The following NEK10 variants were observed in gnomAD, a reference collection of about 807,000 sequenced individuals.
NEK10 encodes serine/threonine-protein kinase Nek10.
In NEK10, 122 loss-of-function variants were observed where a neutral mutation model predicts 159.8. The ratio of observed to expected loss-of-function variants is 0.76; its 90% CI spans 0.66 to 0.89. The LOEUF is 0.89. Among genes scored for constraint, NEK10 ranks in the 40% least tolerant of loss-of-function variants. The pLI, the probability that NEK10 is intolerant of heterozygous loss-of-function variation, is 0.00. For missense variants in NEK10, 1,342 were observed against 1,323.1 expected, an observed-to-expected ratio of 1.01 and a Z score of -0.22; for synonymous variants, 466 against 457.1, an observed-to-expected ratio of 1.02 and a Z score of -0.25.
intron 30 of NEK10, among the ~76,000 whole-genome samples, chr3:27,142,721 C>A (rs1943906381): frequency 6.6e-6 from 1 of 152,046 alleles, no homozygotes; most frequent in Admixed American, 6.6e-5. Flanking sequence ...ACATTCAATG[C>A]AGTCATTTAA....
intron 22 of NEK10, among the ~76,000 whole-genome samples, chr3:27,257,794 T>C (rs1473217258): frequency 1.9e-5 from 2 of 104,798 alleles, no homozygotes; most frequent in East Asian, 2.2e-4. Flanking sequence ...TTTTCTTTTT[T>C]TTTTTTTTTT....
chr3:27,327,168 C>G (rs932455539), intron 5 of NEK10, among the ~76,000 whole-genome samples: 6 of 152,126 alleles, frequency 3.9e-5, no homozygotes, highest in Non-Finnish European at 7.4e-5. Context: ...CTCTTGCCAT[C>G]CCTCCCCTCC....
At chr3:27,218,932 A>G (rs555468730) in intron 23 of NEK10, among the ~76,000 whole-genome samples, 1 of 152,310 alleles carries the variant, frequency 6.6e-6, no homozygotes, top group Admixed American at 6.5e-5. Flanking sequence ...TCAGACGGGT[A>G]AATAACATGA....
At chr3:27,207,165 G>C (rs915791487) in intron 23 of NEK10, among the ~76,000 whole-genome samples, 8 of 152,100 alleles carry the variant, frequency 5.3e-5, no homozygotes, top group Non-Finnish European at 1.2e-4. Context: ...CTAATTCCTG[G>C]TGTGTCCAGC....
chr3:27,139,849 T>C (rs181150603), intron 31 of NEK10, among the ~76,000 whole-genome samples: 22 of 152,226 alleles, frequency 1.4e-4, no homozygotes, highest in African/African-American at 5.1e-4. Flanking sequence ...AGCAAGAACA[T>C]CCAGAAGCCA....
chr3:27,151,152 T>C (rs1370973491), intron 30 of NEK10, among the ~76,000 whole-genome samples: 5 of 152,098 alleles, frequency 3.3e-5, no homozygotes, highest in Non-Finnish European at 7.4e-5. Context: ...CATGCTACCA[T>C]AGCTGATGGT....
intron 23 of NEK10, among the ~76,000 whole-genome samples, chr3:27,238,980 T>C (rs1351162893): frequency 6.6e-6 from 1 of 152,012 alleles, no homozygotes; most frequent in Non-Finnish European, 1.5e-5. Flanking sequence ...ACTAGTCTGA[T>C]TGGTTGCAAG....
rs1430177818 is a variant in NEK10 at position 27,109,404 on chromosome 3, T to C, written c.*1868A>G. ...AAAAAAAAAAAAAAAAAAAAAGAGT[T>C]AGATGGAAACATTTTGCTCACTTTC... On this transcript the variant is annotated 3_prime_UTR_variant, in exon 36 of 36. Transcript: ENST00000691995. Among the ~76,000 whole-genome samples, 4 of 149,862 alleles carry C rather than the reference T, an allele frequency of 2.7e-5. No homozygotes were observed. The highest frequency in any genetic ancestry group is 1.3e-4 in the Admixed American group (2 of 14,984).
At chr3:27,190,875 G>T (rs1246524047) in intron 26 of NEK10, among the ~76,000 whole-genome samples, 1 of 152,174 alleles carries the variant, frequency 6.6e-6, no homozygotes, top group Non-Finnish European at 1.5e-5. Flanking sequence ...CTCCCCTTCT[G>T]AGATTTAACT....
intron 22 of NEK10, among the ~76,000 whole-genome samples, chr3:27,260,074 C>G (rs1417482300): frequency 6.6e-6 from 1 of 152,074 alleles, no homozygotes; most frequent in Non-Finnish European, 1.5e-5. Context: ...AATTTTGTAT[C>G]CTGAGACTTT....
intron 23 of NEK10, among the ~76,000 whole-genome samples, chr3:27,228,537 C>T (rs935337168): frequency 1.3e-5 from 2 of 152,000 alleles, no homozygotes; most frequent in African/African-American, 4.8e-5. Context: ...CACATCTTGG[C>T]AATATTTGAA....
chr3:27,361,200 T>G (rs1402125383), intron 1 of NEK10, among the ~76,000 whole-genome samples: 1 of 152,240 alleles, frequency 6.6e-6, no homozygotes, highest in Non-Finnish European at 1.5e-5. Context: ...TAAAGGGAAA[T>G]CTGCAGATAT....
At chr3:27,144,429 G>A (rs1018877651) in intron 30 of NEK10, among the ~76,000 whole-genome samples, 1 of 152,116 alleles carries the variant, frequency 6.6e-6, no homozygotes. Context: ...GTTATTTTAG[G>A]GTAGACACAG....
intron 23 of NEK10, among the ~76,000 whole-genome samples, chr3:27,229,134 C>A (rs1952953267): frequency 6.6e-6 from 1 of 152,130 alleles, no homozygotes; most frequent in African/African-American, 2.4e-5. Context: ...AGATAAGCTT[C>A]AAGATATCCC....
intron 9 of NEK10, chr3:27,310,678 A>C (rs537121329): frequency 3.2e-6 from 1 of 316,182 alleles, no homozygotes; most frequent in South Asian, 1.1e-4. Context: ...GGGCTTTTCA[A>C]ATAATATTTA....
At chr3:27,151,545 C>A (rs977596633) in intron 30 of NEK10, among the ~76,000 whole-genome samples, 1 of 152,062 alleles carries the variant, frequency 6.6e-6, no homozygotes, top group South Asian at 2.1e-4. Flanking sequence ...CAGAGCCTAC[C>A]CAAATAAGAA....
Position 27,291,332 on chromosome 3 carries a change from G to T in NEK10, c.1535C>A (p.Pro512His), listed in dbSNP as rs981537184. The change falls in exon 18 of 36, where the codon CCT (proline) becomes CAT (histidine). Residue 512 changes from proline (P) to histidine (H), a missense_variant. Coordinates refer to ENST00000691995, the MANE Select transcript of NEK10 (RefSeq NM_001394966.1). ...TGCATAGTTGCCTATATATTTCAAAGGAGCTTTGTTCTGATTAATGCTTTC... is the reference window on the plus strand; with the variant it reads ...TGCATAGTTGCCTATATATTTCAAATGAGCTTTGTTCTGATTAATGCTTTC... ...NIESINQNKAPLKYIGNYAIL... is the reference protein window; with the variant it reads ...NIESINQNKAHLKYIGNYAIL... The T allele has an allele frequency of 6.2e-6, 10 of 1,613,280 alleles. No individual in the cohort carries two copies. Among genetic ancestry groups the T allele is most frequent in the Non-Finnish European group, 8.5e-6 (10 of 1,179,336 alleles).
intron 23 of NEK10, among the ~76,000 whole-genome samples, chr3:27,220,174 C>G (rs1951949111): frequency 6.6e-6 from 1 of 152,182 alleles, no homozygotes. Context: ...GTGCAAATCA[C>G]CACAAATTCA....
At chr3:27,173,217 C>T (rs1259588104) in intron 28 of NEK10, among the ~76,000 whole-genome samples, 1 of 152,076 alleles carries the variant, frequency 6.6e-6, no homozygotes, top group Non-Finnish European at 1.5e-5. Flanking sequence ...TCTAACAAAA[C>T]ACAATAAAAT....
Sources: gnomAD v4.1 joint callset for allele counts (sites outside exome capture counted in the v4.1 genomes callset) on GRCh38, gnomAD v4.1.1 for gene constraint, MANE v1.5 for transcripts, NCBI Gene and HGNC (gene_info 2026-07-23, HGNC 2026-07-21) for gene names.